Variants in LMX1A observed in about 807,000 individuals in gnomAD.
LMX1A encodes LIM homeobox transcription factor 1-alpha.
A neutral mutation model predicts 49.1 loss-of-function variants in LMX1A; 15 were observed. That is an observed-to-expected ratio of 0.31 (90% CI 0.20 to 0.47). The LOEUF (loss-of-function observed/expected upper bound fraction) is 0.47. Among genes scored for constraint, LMX1A ranks in the 20% least tolerant of loss-of-function variants. The pLI is 1.00. For synonymous variants in LMX1A, 167 were observed against 185.7 expected, an observed-to-expected ratio of 0.90 and a Z score of 0.82; for missense variants, 372 against 475.8, an observed-to-expected ratio of 0.78 and a Z score of 2.03.
chr1:165,354,182 T>C (rs1335539330), intron 2 of LMX1A, among the ~76,000 whole-genome samples: 1 of 152,100 alleles, frequency 6.6e-6, no homozygotes, highest in Non-Finnish European at 1.5e-5. Context: ...ACTCTTGCCC[T>C]TGTCCCCCCA....
intron 3 of LMX1A, among the ~76,000 whole-genome samples, chr1:165,283,604 G>A (rs900091169): frequency 6.6e-6 from 1 of 152,118 alleles, no homozygotes; most frequent in Non-Finnish European, 1.5e-5. Context: ...TCTTAATGTA[G>A]CCATCTGGTC....
At chr1:165,293,721 C>A (rs1193994451) in intron 3 of LMX1A, among the ~76,000 whole-genome samples, 1 of 152,172 alleles carries the variant, frequency 6.6e-6, no homozygotes, top group Non-Finnish European at 1.5e-5. Context: ...CTGGTCAGGG[C>A]CCATTTTCTG....
intron 3 of LMX1A, 150 bp downstream of exon 3, chr1:165,352,926 G>A: frequency 1.2e-6 from 1 of 811,228 alleles, no homozygotes; most frequent in East Asian, 2.6e-5. Flanking sequence ...CCCGTGAGGG[G>A]CAATGTACAC....
chr1:165,239,276 T>A (rs920073485), intron 4 of LMX1A, among the ~76,000 whole-genome samples: 1 of 152,226 alleles, frequency 6.6e-6, no homozygotes, highest in African/African-American at 2.4e-5. Context: ...GTATGGTCAA[T>A]GTAAAAAGGA....
intron 3 of LMX1A, among the ~76,000 whole-genome samples, chr1:165,349,282 C>A (rs1294907757): frequency 1.3e-5 from 2 of 152,200 alleles, no homozygotes; most frequent in Non-Finnish European, 2.9e-5. Flanking sequence ...TTGTTTGGAA[C>A]AAATTCAGGG....
intron 3 of LMX1A, among the ~76,000 whole-genome samples, chr1:165,291,772 T>C (rs1261358759): frequency 6.6e-6 from 1 of 152,128 alleles, no homozygotes; most frequent in Non-Finnish European, 1.5e-5. Context: ...CTTAACAATA[T>C]GCTATATGCG....
At chr1:165,343,348 T>C (rs1020245867) in intron 3 of LMX1A, among the ~76,000 whole-genome samples, 1 of 151,940 alleles carries the variant, frequency 6.6e-6, no homozygotes, top group African/African-American at 2.4e-5. Context: ...TGTCTTGGCT[T>C]ATCATACACA....
rs986394767 is a variant in LMX1A, at chr1:165,338,359, A to C, written c.263+14717T>G. 6.6e-5 allele frequency among the ~76,000 whole-genome samples: 10 copies of C among 152,202 alleles called. 1 individual carries two copies. Among genetic ancestry groups the C allele is most frequent in the African/African-American group, 2.4e-4 (10 of 41,460 alleles). On this transcript the variant is annotated intron_variant, in intron 3 of 8. Coordinates refer to ENST00000342310, the MANE Select transcript of LMX1A (RefSeq NM_177398.4). ...CCTCTGCAATACTGCACACCATTAA[A>C]TTTTTAAGGGAGTTCATTGGGAAAG...
Position 165,356,404 on chromosome 1 carries a change from G to T in LMX1A, c.-72C>A, listed in dbSNP as rs1328990025. 6.6e-6 allele frequency: 1 copy of T among 152,212 alleles called. No individual in the cohort carries two copies. The highest frequency in any genetic ancestry group is 1.5e-5 in the Non-Finnish European group (1 of 68,050). 9.4% of individuals were successfully genotyped at this position (152,212 alleles called of 1,614,324 possible). ...GACTGGAGCAGAGAGAAGTTGCGGAGCGCTGCTGGAAGCTTCTGCCCGGGA... is the reference window on the plus strand; with the variant it reads ...GACTGGAGCAGAGAGAAGTTGCGGATCGCTGCTGGAAGCTTCTGCCCGGGA... On this transcript the variant is annotated 5_prime_UTR_variant, in exon 1 of 9. Coordinates refer to ENST00000342310, the MANE Select transcript of LMX1A (RefSeq NM_177398.4).
intron 4 of LMX1A, among the ~76,000 whole-genome samples, chr1:165,236,109 A>G (rs1407875457): frequency 1.3e-5 from 2 of 152,200 alleles, no homozygotes; most frequent in Middle Eastern, 3.2e-3. Flanking sequence ...TAGAAAGGAA[A>G]GAAATCGGAC....
intron 3 of LMX1A, among the ~76,000 whole-genome samples, chr1:165,251,004 C>G (rs1653041260): frequency 6.6e-6 from 1 of 150,642 alleles, no homozygotes; most frequent in Admixed American, 6.6e-5. Flanking sequence ...AGAAAGGTGA[C>G]AGGTGAGGTT....
At chr1:165,353,995 C>T (rs1656515013) in intron 2 of LMX1A, among the ~76,000 whole-genome samples, 1 of 152,220 alleles carries the variant, frequency 6.6e-6, no homozygotes, top group African/African-American at 2.4e-5. Context: ...GAGGGCGAAA[C>T]GGGCCTCAAA....
intron 3 of LMX1A, among the ~76,000 whole-genome samples, chr1:165,304,128 CT>C (rs1404347065): frequency 1.3e-5 from 2 of 152,062 alleles, no homozygotes; most frequent in Non-Finnish European, 2.9e-5. Context: ...AGGCTCCACT[CT>C]TTACTAATAG....
intron 4 of LMX1A, among the ~76,000 whole-genome samples, chr1:165,216,563 T>C (rs1651650573): frequency 6.6e-6 from 1 of 152,200 alleles, no homozygotes; most frequent in South Asian, 2.1e-4. Flanking sequence ...GAAAGAGAGC[T>C]GGGAGATTCC....
rs558607660 is a variant in LMX1A at position 165,241,393 on chromosome 1, T to C, written c.496+8015A>G. Among the ~76,000 whole-genome samples, 58 of 152,374 alleles carry C rather than the reference T, an allele frequency of 3.8e-4. 2 individuals are homozygous for C. Among genetic ancestry groups the C allele is most frequent in the Admixed American group, 3.7e-3 (56 of 15,310 alleles). ...GATGATAATGGTAACTGTCATTTAT[T>C]GGACATTGATCAAGTTTCAAGCCCT... On this transcript the variant is annotated intron_variant, in intron 4 of 8. Transcript: ENST00000342310.
At chr1:165,291,875 A>G (rs2101715866) in intron 3 of LMX1A, among the ~76,000 whole-genome samples, 2 of 151,872 alleles carry the variant, frequency 1.3e-5, no homozygotes, top group African/African-American at 4.8e-5. Flanking sequence ...CATCCTGGCT[A>G]ACACGGTGAA....
intron 3 of LMX1A, among the ~76,000 whole-genome samples, chr1:165,315,534 G>GAGCC (rs1332424469): frequency 1.3e-5 from 2 of 152,202 alleles, no homozygotes; most frequent in Non-Finnish European, 2.9e-5. Context: ...TGTAGCTAAG[G>GAGCC]AGCCAGCAAA....
intron 4 of LMX1A, among the ~76,000 whole-genome samples, chr1:165,240,430 C>T (rs1477582972): frequency 6.6e-6 from 1 of 152,098 alleles, no homozygotes; most frequent in Admixed American, 6.5e-5. Flanking sequence ...CTTTCTATCA[C>T]AAAGCTGGCC....
chr1:165,202,492 G>A lies in LMX1A; in HGVS notation c.*1388C>T, dbSNP rs1650888759. ...AAACAAGGGGCCCCAAACTTTTTCTGTAAGGGCCAGACAATACAGATAGCA... is the reference window on the plus strand; with the variant it reads ...AAACAAGGGGCCCCAAACTTTTTCTATAAGGGCCAGACAATACAGATAGCA... On this transcript the variant is annotated 3_prime_UTR_variant, in exon 9 of 9. Transcript: ENST00000342310. 6.6e-6 allele frequency: 1 copy of A among 152,020 alleles called. No individual in the cohort carries two copies. The highest frequency in any genetic ancestry group is 1.5e-5 in the Non-Finnish European group (1 of 68,002). The allele number at this position is 152,020 out of a possible 1,614,324, so 9.4% of individuals were successfully genotyped here.
Sources: gnomAD v4.1 joint callset for allele counts (sites outside exome capture counted in the v4.1 genomes callset) on GRCh38, gnomAD v4.1.1 for gene constraint, MANE v1.5 for transcripts, NCBI Gene and HGNC (gene_info 2026-07-23, HGNC 2026-07-21) for gene names.